SULF2: variants seen among roughly 807,000 people sequenced by gnomAD.
SULF2 encodes the protein extracellular sulfatase Sulf-2.
Under a neutral mutation model 107.7 loss-of-function variants are expected in SULF2, and 52 were observed. The ratio of observed to expected loss-of-function variants is 0.48; its 90% CI spans 0.39 to 0.61. The LOEUF is 0.61. Among genes scored for constraint, SULF2 ranks in the 20% least tolerant of loss-of-function variants. The pLI is 0.00. For missense variants in SULF2, 993 were observed against 1,177.3 expected (o/e 0.84, Z 2.29); for synonymous variants, 460 against 464.3 (o/e 0.99, Z 0.12).
rs140168797 is a variant in SULF2 at position 47,761,814 on chromosome 20, C to A, written c.-100-4351G>T. ...ATGTTGTGTATCTGATATGGTTTGG[C>A]TGTGTCCTCACCCAAATCTCATCTT... On this transcript the variant is annotated intron_variant, in intron 1 of 20. Transcript: ENST00000688720. 5.2e-3 allele frequency among the ~76,000 whole-genome samples: 799 copies of A among 152,314 alleles called. 6 individuals carry two copies. Among genetic ancestry groups the A allele is most frequent in the African/African-American group, 0.018 (752 of 41,572 alleles).
chr20:47,734,377 T>C (rs1157210257), intron 3 of SULF2, among the ~76,000 whole-genome samples: 2 of 152,252 alleles, frequency 1.3e-5, no homozygotes, highest in Non-Finnish European at 1.5e-5. Context: ...ATTTACAGTA[T>C]ATTCTAATAT....
Position 47,666,341 on chromosome 20 carries a change from T to A in SULF2, c.1724A>T (p.Asp575Val). 6.2e-7 allele frequency: 1 copy of A among 1,614,242 alleles called. No individual in the cohort carries two copies. The highest frequency in any genetic ancestry group is 1.3e-5 in the African/African-American group (1 of 75,082). Residue 575 changes from aspartate (D) to valine (V), a missense_variant, in exon 12 of 21, where the codon GAT (aspartate) becomes GTT (valine). Asp to Val is a radical substitution (Grantham distance 152, BLOSUM62 -3). Coordinates refer to ENST00000688720, the MANE Select transcript of SULF2 (RefSeq NM_001387048.1). The surrounding 1 kb of genome is among the most constrained non-coding windows in gnomAD (Gnocchi z 5.4). ...ACTGAAGTCCCCACCATCCTTGTCA[T>A]CTTGGTCCTCAGGGGCCCCTGGCCA... The part of the protein sequence containing the change: ...RHWPGAPEDQ[D>V]DKDGGDFSGT...
chr20:47,707,055 T>C (rs1023388712), intron 3 of SULF2, among the ~76,000 whole-genome samples: 2 of 152,136 alleles, frequency 1.3e-5, no homozygotes, highest in African/African-American at 4.8e-5. Context: ...AGTGGTGTAA[T>C]CTCAGCTCAC....
intron 15 of SULF2, 52 bp from the exon 16 acceptor site, chr20:47,663,674 C>G: frequency 6.6e-7 from 1 of 1,509,636 alleles, no homozygotes; most frequent in African/African-American, 1.4e-5. Context: ...GATCAGTGAC[C>G]CCATGTCTCT....
intron 5 of SULF2, among the ~76,000 whole-genome samples, chr20:47,688,742 G>A (rs1485733213): frequency 6.6e-6 from 1 of 152,188 alleles, no homozygotes; most frequent in Non-Finnish European, 1.5e-5. Context: ...ATCGTCTTCT[G>A]TCAAAGCCTC....
At chr20:47,671,161 C>T (rs117562048) in intron 11 of SULF2, among the ~76,000 whole-genome samples, 4,029 of 152,312 alleles carry the variant, frequency 0.026, 76 homozygotes, top group Non-Finnish European at 0.039. Flanking sequence ...GAGTCCCTCT[C>T]TCCACTTCGC....
chr20:47,757,324 T>C lies in SULF2; in HGVS notation c.40A>G (p.Thr14Ala), dbSNP rs756273243. The C allele has an allele frequency of 5.5e-5, 88 of 1,603,088 alleles. No homozygotes were observed. Among genetic ancestry groups the C allele is most frequent in the Non-Finnish European group, 7.2e-5 (84 of 1,174,650 alleles). The change falls in exon 2 of 21, where the codon ACT (threonine) becomes GCT (alanine). Residue 14 changes from threonine to alanine, a missense_variant. This residue lies in a region of SULF2 where 388 missense variants were observed against 449.2 expected (regional missense o/e 0.86). Coordinates refer to ENST00000688720, the MANE Select transcript of SULF2 (RefSeq NM_001387048.1). ...CTTCCACCCAGCAGGGAGAACACAG[T>C]TGCGGACAGCAAGCACAGCACGAGG... ...PSLVLCLLSA[T>A]VFSLLGGSSA...
At chr20:47,740,309 A>G (rs1169683154) in intron 2 of SULF2, among the ~76,000 whole-genome samples, 1 of 152,216 alleles carries the variant, frequency 6.6e-6, no homozygotes, top group Non-Finnish European at 1.5e-5. Context: ...TCACGTTCAC[A>G]AAATGTCACA....
At position 47,720,105 on chromosome 20, in the gene SULF2, C is replaced by A. The variant is rs534390785; in HGVS notation, c.415+16598G>T. Among the ~76,000 whole-genome samples, 4 of 152,222 alleles carry A rather than the reference C, an allele frequency of 2.6e-5. No homozygotes were observed. The East Asian group carries it at 7.7e-4, about 29-fold the overall frequency. ...CTCGGACTGCAGGCACCTGCCACCA[C>A]GACCGGCTAATTTTGTTCTTGTATT... On this transcript the variant is annotated intron_variant, in intron 3 of 20. Transcript: ENST00000688720.
chr20:47,784,969 ACCCTAAGGGTCAAC>A (rs1445992771), intron 1 of SULF2, among the ~76,000 whole-genome samples: 1 of 151,660 alleles, frequency 6.6e-6, no homozygotes, highest in Non-Finnish European at 1.5e-5. Context: ...TTGGGTCTAA[ACCCTAAGGGTCAAC>A]AAGGCCATGC....
At chr20:47,726,128 C>T (rs2089436620) in intron 3 of SULF2, among the ~76,000 whole-genome samples, 1 of 152,176 alleles carries the variant, frequency 6.6e-6, no homozygotes, top group African/African-American at 2.4e-5. Flanking sequence ...ACAGCCACCA[C>T]CCCCTGCGTT....
chr20:47,764,337 G>T (rs1437284092), intron 1 of SULF2, among the ~76,000 whole-genome samples: 2 of 149,078 alleles, frequency 1.3e-5, no homozygotes, highest in Non-Finnish European at 1.5e-5. Context: ...AACAATGCTT[G>T]CGGCATAGCA....
rs146158238 is a variant in SULF2 at position 47,674,528 on chromosome 20, T to C, written c.1380+1966A>G. On this transcript the variant is annotated intron_variant, in intron 10 of 20. Transcript: ENST00000688720. The stretch of plus-strand genomic sequence containing the variant: ...ATCATTACGAGGTGCCCAGGGCACA[T>C]TTACTCCTGCCCGGCCTGGGCCCTG... 2.9e-3 allele frequency among the ~76,000 whole-genome samples: 447 copies of C among 152,320 alleles called. 6 individuals are homozygous for C. The highest frequency in any genetic ancestry group is 0.01 in the African/African-American group (425 of 41,578).
chr20:47,745,397 AAAAAAAAAAAAAAAT>A (rs1249383666), intron 2 of SULF2, among the ~76,000 whole-genome samples: 21 of 33,810 alleles, frequency 6.2e-4, no homozygotes, highest in Non-Finnish European at 7.1e-4. Flanking sequence ...AAAAAAAAAA[AAAAAAAAAAAAAAAT>A]ATATATATAT....
chr20:47,736,382 A>C (rs997325425), intron 3 of SULF2, among the ~76,000 whole-genome samples: 2 of 152,166 alleles, frequency 1.3e-5, no homozygotes, highest in African/African-American at 4.8e-5. Context: ...TGATGGGCTT[A>C]ATAACTATTA....
chr20:47,755,550 T>C (rs1369421027), intron 2 of SULF2, among the ~76,000 whole-genome samples: 1 of 152,138 alleles, frequency 6.6e-6, no homozygotes, highest in Non-Finnish European at 1.5e-5. Flanking sequence ...ATAACCCACA[T>C]ACCTAACCCA....
intron 2 of SULF2, among the ~76,000 whole-genome samples, chr20:47,741,898 C>T (rs1239021480): frequency 1.3e-5 from 2 of 152,234 alleles, no homozygotes; most frequent in South Asian, 2.1e-4. Context: ...GAACAGCCTC[C>T]AGAACCATTT....
chr20:47,675,973 T>C lies in SULF2; in HGVS notation c.1380+521A>G, dbSNP rs946515910. 2.4e-4 allele frequency among the ~76,000 whole-genome samples: 37 copies of C among 152,262 alleles called. No individual in the cohort carries two copies. In the South Asian group the frequency reaches 2.7e-3, roughly 11 times the overall value. ...GCCTCCAACACGTGGGCTCAAGCCA[T>C]CCTCCCGCCTCAGCTCTGGAGTAGC... is the stretch of plus-strand genomic sequence containing the variant. On this transcript the variant is annotated intron_variant, in intron 10 of 20. Coordinates refer to ENST00000688720, the MANE Select transcript of SULF2 (RefSeq NM_001387048.1).
At position 47,680,499 on chromosome 20, in the gene SULF2, G is replaced by A. The variant is rs1008518679; in HGVS notation, c.1065-1695C>T. ...GACCTGTTGAATGGTGGACAGTCCCGTCAGAGCATCTGAGTGCCTTCCCCG... is the reference window on the plus strand; with the variant it reads ...GACCTGTTGAATGGTGGACAGTCCCATCAGAGCATCTGAGTGCCTTCCCCG... On this transcript the variant is annotated intron_variant, in intron 7 of 20. Transcript: ENST00000688720. The surrounding 1 kb of genome is among the most constrained non-coding windows in gnomAD (Gnocchi z 4.2). Among the ~76,000 whole-genome samples, 10 of 152,232 alleles carry A rather than the reference G, an allele frequency of 6.6e-5. No individual in the cohort carries two copies. Among genetic ancestry groups the A allele is most frequent in the Admixed American group, 1.3e-4 (2 of 15,290 alleles).
Sources: allele counts gnomAD v4.1 joint callset (sites outside exome capture counted in the v4.1 genomes callset), GRCh38; gene constraint gnomAD v4.1.1; regional missense constraint gnomAD v4.1.1; non-coding constraint Gnocchi (gnomAD v3.1); transcripts MANE v1.5; gene names NCBI Gene and HGNC (gene_info 2026-07-23, HGNC 2026-07-21).